The following LINGO2 variants were observed in gnomAD, a reference collection of about 807,000 sequenced individuals.
LINGO2 encodes leucine-rich repeat and immunoglobulin-like domain-containing nogo receptor-interacting protein 2.
A neutral mutation model predicts 30.6 loss-of-function variants in LINGO2; 14 were observed. The observed-to-expected ratio is 0.46, with a 90% CI of 0.30 to 0.72. LINGO2 has a LOEUF of 0.72. LINGO2 is among the 30% of genes least tolerant of loss of function. The probability of loss-of-function intolerance (pLI) is 0.07; values close to 1 mark genes in which losing one functional copy is unlikely to be tolerated. For missense variants in LINGO2, 729 were observed against 751.7 expected (o/e 0.97, Z 0.35); for synonymous variants, 317 against 288.5 (o/e 1.10, Z -1.00).
At chr9:28,949,892 G>C in the LINGO2 span, among the ~76,000 whole-genome samples, 5 of 152,158 alleles carry the variant, frequency 3.3e-5, no homozygotes, top group East Asian at 9.7e-4. Flanking sequence ...TAAAATACTG[G>C]ATCCTGCAGC....
At chr9:28,081,082 C>T (rs1345824849) in intron 4 of LINGO2, 3 of 152,086 alleles carry the variant, frequency 2.0e-5, no homozygotes, top group Non-Finnish European at 4.4e-5. Context: ...GTTTCTCAAC[C>T]TTAGGACTGG....
At chr9:28,212,910 C>T (rs1234198320) in intron 4 of LINGO2, among the ~76,000 whole-genome samples, 3 of 151,430 alleles carry the variant, frequency 2.0e-5, no homozygotes. Flanking sequence ...TTGTCTATAA[C>T]AAATCCTTTG....
chr9:28,950,175 CT>C, the LINGO2 span, among the ~76,000 whole-genome samples: 4 of 152,290 alleles, frequency 2.6e-5, no homozygotes, highest in African/African-American at 9.6e-5. Context: ...GCAGAACAAG[CT>C]TTCAATAAAA....
the LINGO2 span, among the ~76,000 whole-genome samples, chr9:28,815,647 C>T: frequency 1.3e-5 from 2 of 152,152 alleles, no homozygotes; most frequent in Admixed American, 6.5e-5. Flanking sequence ...TTACCACCAG[C>T]ACTAGTACCA....
chr9:28,084,925 A>C (rs1436799204), intron 4 of LINGO2, among the ~76,000 whole-genome samples: 1 of 152,178 alleles, frequency 6.6e-6, no homozygotes, highest in African/African-American at 2.4e-5. Flanking sequence ...GATCTTTTGC[A>C]GGAGCTGGCA....
chr9:28,263,732 C>T (rs1822647920), intron 4 of LINGO2, among the ~76,000 whole-genome samples: 1 of 151,936 alleles, frequency 6.6e-6, no homozygotes, highest in Non-Finnish European at 1.5e-5. Context: ...CCCTGGTTTG[C>T]AATGAAACCT....
chr9:29,158,542 C>A, the LINGO2 span, among the ~76,000 whole-genome samples: 1 of 96,352 alleles, frequency 1.0e-5, no homozygotes, highest in African/African-American at 4.7e-5. Flanking sequence ...CAATTTTCTC[C>A]AAAGCTCTCA....
chr9:28,149,933 G>A (rs1827946529), intron 4 of LINGO2, among the ~76,000 whole-genome samples: 1 of 150,390 alleles, frequency 6.6e-6, no homozygotes, highest in African/African-American at 2.5e-5. Context: ...GCGAAGTGAG[G>A]AGTGCCTCTG....
intron 1 of LINGO2, among the ~76,000 whole-genome samples, chr9:28,590,432 C>G (rs887930713): frequency 6.6e-6 from 1 of 152,000 alleles, no homozygotes; most frequent in Non-Finnish European, 1.5e-5. Context: ...TATCCAGAAT[C>G]TACAATGAAC....
intron 2 of LINGO2, among the ~76,000 whole-genome samples, chr9:28,428,700 C>G (rs187376992): frequency 1.2e-3 from 189 of 152,182 alleles, no homozygotes; most frequent in Admixed American, 6.4e-3. Flanking sequence ...GACGTAGTTG[C>G]TGCTGGTTAT....
At chr9:28,195,848 A>G (rs1482065566) in intron 4 of LINGO2, among the ~76,000 whole-genome samples, 3 of 151,780 alleles carry the variant, frequency 2.0e-5, no homozygotes, top group East Asian at 1.9e-4. Context: ...ACACATACAC[A>G]AAACTATAAA....
At chr9:28,561,378 T>C (rs1004235415) in intron 1 of LINGO2, among the ~76,000 whole-genome samples, 2 of 151,904 alleles carry the variant, frequency 1.3e-5, no homozygotes, top group African/African-American at 4.8e-5. Flanking sequence ...AGGGAATCTG[T>C]GGATTAAAAC....
rs554217673 is a variant in LINGO2, at chr9:28,107,010, G to A, written c.-86-94605C>T. Among the ~76,000 whole-genome samples, 15 of 152,182 alleles carry A rather than the reference G, an allele frequency of 9.9e-5. No homozygotes were observed. The South Asian group carries it at 3.1e-3, about 32-fold the overall frequency. Reference sequence around the variant, plus strand: ...TGTTTCTTTACCTAGAATGCTCCATGCACCTCTCCCCCATTCCTTAATTCC... The same window carrying A: ...TGTTTCTTTACCTAGAATGCTCCATACACCTCTCCCCCATTCCTTAATTCC... On this transcript the variant is annotated intron_variant, in intron 4 of 5. Coordinates refer to ENST00000379992, the Ensembl canonical transcript of LINGO2.
the LINGO2 span, among the ~76,000 whole-genome samples, chr9:29,170,196 A>C: frequency 7.2e-3 from 1,097 of 152,326 alleles, 15 homozygotes; most frequent in African/African-American, 0.024. Context: ...TCATAGAATC[A>C]ACTTAAGTGT....
the LINGO2 span, among the ~76,000 whole-genome samples, chr9:29,035,435 C>A: frequency 2.0e-5 from 3 of 151,942 alleles, no homozygotes; most frequent in Middle Eastern, 3.4e-3. Flanking sequence ...AACAAAAAAA[C>A]TTTTCTTCAG....
intron 5 of LINGO2, chr9:28,012,243 A>T (rs1428312509): frequency 6.6e-6 from 1 of 152,084 alleles, no homozygotes; most frequent in Admixed American, 6.6e-5. Context: ...GGTCACATAC[A>T]TATGAGCTAC....
chr9:28,644,813 A>G (rs1443525498), intron 1 of LINGO2, among the ~76,000 whole-genome samples: 1 of 152,036 alleles, frequency 6.6e-6, no homozygotes, highest in Non-Finnish European at 1.5e-5. Flanking sequence ...AAATATATAT[A>G]TCTACTATGT....
chr9:28,591,333 C>T (rs1824898954), intron 1 of LINGO2, among the ~76,000 whole-genome samples: 1 of 151,828 alleles, frequency 6.6e-6, no homozygotes, highest in Non-Finnish European at 1.5e-5. Flanking sequence ...ATAAAAGTCA[C>T]TGATTGGGAG....
At chr9:28,560,350 A>G (rs891853140) in intron 1 of LINGO2, among the ~76,000 whole-genome samples, 1 of 152,090 alleles carries the variant, frequency 6.6e-6, no homozygotes, top group East Asian at 1.9e-4. Flanking sequence ...AGGATTAGGA[A>G]AAATCTGGTC....
Sources: gnomAD v4.1 joint callset for allele counts (sites outside exome capture counted in the v4.1 genomes callset) on GRCh38, gnomAD v4.1.1 for gene constraint, MANE v1.5 for transcripts, NCBI Gene and HGNC (gene_info 2026-07-23, HGNC 2026-07-21) for gene names.